SBNO1: variants seen among roughly 807,000 people sequenced by gnomAD.
SBNO1 encodes the protein strawberry notch homolog 1.
Under a neutral mutation model 173.6 loss-of-function variants are expected in SBNO1, and 23 were observed. The observed-to-expected ratio is 0.13, with a 90% CI of 0.10 to 0.19. The LOEUF is 0.19. SBNO1 is among the 10% of genes least tolerant of loss of function. The pLI is 1.00. For synonymous variants in SBNO1, 632 were observed against 571.5 expected (o/e 1.11, Z -1.51); for missense variants, 1,238 against 1,671.2 (o/e 0.74, Z 4.52).
chr12:123,299,353 G>A (rs944002622), intron 30 of SBNO1, among the ~76,000 whole-genome samples: 1 of 150,570 alleles, frequency 6.6e-6, no homozygotes, highest in African/African-American at 2.4e-5. Context: ...GGGCAACAGA[G>A]TGAGACTCTG....
chr12:123,364,520 A>G (rs1875879710), intron 1 of SBNO1, 181 bp downstream of exon 1: 2 of 983,482 alleles, frequency 2.0e-6, no homozygotes, highest in Non-Finnish European at 2.4e-6. Flanking sequence ...CGTCGGGAAC[A>G]TGCCCCCGAG....
At chr12:123,299,465 A>C (rs2048710798) in intron 30 of SBNO1, among the ~76,000 whole-genome samples, 1 of 151,874 alleles carries the variant, frequency 6.6e-6, no homozygotes, top group South Asian at 2.1e-4. Flanking sequence ...GCAGATCATG[A>C]GGTCAGGAGA....
chr12:123,350,783 C>A (rs1873782564), intron 1 of SBNO1, among the ~76,000 whole-genome samples: 1 of 152,172 alleles, frequency 6.6e-6, no homozygotes, highest in Admixed American at 6.6e-5. Context: ...GGACAAGGAT[C>A]CTCTCGACTA....
chr12:123,335,445 G>A (rs1262579937), intron 6 of SBNO1, among the ~76,000 whole-genome samples: 4 of 152,082 alleles, frequency 2.6e-5, no homozygotes, highest in South Asian at 2.1e-4. Flanking sequence ...GCCAGACCCC[G>A]TCTTAAAAAG....
Position 123,297,838 on chromosome 12 carries a change from A to C in SBNO1, c.4039+140T>G, listed in dbSNP as rs539527231. The stretch of plus-strand genomic sequence containing the variant: ...GGCTTAACTTCTGTTCAACCTTGTA[A>C]GAAATATAAAACGGGTCCCATACCC... On this transcript the variant is annotated intron_variant, in intron 31 of 31. Coordinates refer to ENST00000602398, the MANE Select transcript of SBNO1 (RefSeq NM_001167856.3). The C allele has an allele frequency of 9.7e-6, 7 of 722,864 alleles. No individual in the cohort carries two copies. In the African/African-American group the frequency reaches 1.2e-4, roughly 13 times the overall value. The allele number at this position is 722,864 out of a possible 1,614,324, so 44.8% of individuals were successfully genotyped here. A position where few individuals can be genotyped will look rare whatever the true frequency, so the allele number is the denominator to read the frequency against.
At chr12:123,351,646 T>A (rs574816462) in intron 1 of SBNO1, among the ~76,000 whole-genome samples, 3 of 151,740 alleles carry the variant, frequency 2.0e-5, no homozygotes, top group Non-Finnish European at 4.4e-5. Flanking sequence ...AATAGAAGGA[T>A]TACTCAACAG....
intron 29 of SBNO1, 57 bp from the exon 30 acceptor site, chr12:123,302,957 C>A: frequency 1.5e-6 from 2 of 1,301,230 alleles, no homozygotes; most frequent in South Asian, 2.4e-5. Flanking sequence ...AAACTGGTTA[C>A]CTAGTCTGGT....
chr12:123,355,691 G>A (rs1171779393), intron 1 of SBNO1, among the ~76,000 whole-genome samples: 2 of 152,246 alleles, frequency 1.3e-5, no homozygotes, highest in Non-Finnish European at 2.9e-5. Flanking sequence ...GCTGAGGCAG[G>A]AGGATCCCTT....
intron 1 of SBNO1, among the ~76,000 whole-genome samples, chr12:123,351,454 G>GT (rs1290168767): frequency 1.3e-5 from 2 of 152,078 alleles, no homozygotes; most frequent in South Asian, 2.1e-4. Context: ...TAGAGACCCC[G>GT]TATCTACAAA....
chr12:123,351,467 A>C (rs1444479547), intron 1 of SBNO1, among the ~76,000 whole-genome samples: 5 of 152,144 alleles, frequency 3.3e-5, no homozygotes, highest in Non-Finnish European at 5.9e-5. Flanking sequence ...TCTACAAAAA[A>C]ATTTTTTTAA....
chr12:123,310,865 A>C (rs1190629547), intron 25 of SBNO1, among the ~76,000 whole-genome samples, 190 bp downstream of exon 25: 1 of 152,178 alleles, frequency 6.6e-6, no homozygotes, highest in Non-Finnish European at 1.5e-5. Context: ...TTGAGAGCTG[A>C]TCATATCAGC....
intron 15 of SBNO1, 91 bp downstream of exon 15, chr12:123,325,411 A>G (rs1255352639): frequency 4.6e-6 from 4 of 868,116 alleles, no homozygotes; most frequent in East Asian, 4.9e-5. Context: ...AGGTGAAACA[A>G]AAGTTTTGTC....
At chr12:123,331,408 C>A in intron 7 of SBNO1, 33 bp from the exon 8 acceptor site, 2 of 1,603,164 alleles carry the variant, frequency 1.2e-6, no homozygotes, top group Admixed American at 1.7e-5. Context: ...TTAATATAAT[C>A]CTTCAGATAT....
rs370093711 is a variant in SBNO1 at position 123,345,576 on chromosome 12, T to C, written c.238-6A>G. The C allele has an allele frequency of 1.6e-5, 26 of 1,607,604 alleles. No homozygotes were observed. Among genetic ancestry groups the C allele is most frequent in the African/African-American group, 4.0e-5 (3 of 74,566 alleles). ...GTAGTAGATGGAGGCTGCTGCTAGA[T>C]AGAAAACAAAAAACACACCACTGAA... On this transcript the variant is annotated splice_polypyrimidine_tract_variant and splice_region_variant and intron_variant, in intron 3 of 31. Transcript: ENST00000602398.
intron 5 of SBNO1, among the ~76,000 whole-genome samples, chr12:123,337,609 A>T (rs1872004277): frequency 6.6e-6 from 1 of 152,194 alleles, no homozygotes; most frequent in Admixed American, 6.5e-5. Flanking sequence ...GTCTTTAGAT[A>T]AAATCTAAAA....
chr12:123,343,645 TC>T (rs1872793570), intron 4 of SBNO1, among the ~76,000 whole-genome samples: 1 of 151,600 alleles, frequency 6.6e-6, no homozygotes, highest in Non-Finnish European at 1.5e-5. Context: ...TTCAAGCAAT[TC>T]CCTGCCTCAG....
intron 5 of SBNO1, among the ~76,000 whole-genome samples, chr12:123,340,439 A>G (rs6416289): frequency 0.95 from 144,884 of 151,986 alleles, 69,189 homozygotes; most frequent in Non-Finnish European, 0.96. Flanking sequence ...AAATTAGCCA[A>G]GCATGGTGGC....
intron 28 of SBNO1, among the ~76,000 whole-genome samples, chr12:123,306,742 C>T (rs185365580): frequency 4.6e-5 from 7 of 152,058 alleles, no homozygotes; most frequent in Admixed American, 2.0e-4. Flanking sequence ...TTGAATTCTA[C>T]CAATATCAAC....
At position 123,309,802 on chromosome 12, in the gene SBNO1, T is replaced by G; in HGVS notation, c.3350A>C (p.Gln1117Pro). ...LNRILGMEVHQQNALFQYFAD... is the reference protein window; with the variant it reads ...LNRILGMEVHPQNALFQYFAD... ...AAAATACTGAAATAACGCATTCTGC[T>G]GATGCACCTCCATGCCTAAAATTCT... is the stretch of plus-strand genomic sequence containing the variant. Residue 1117 changes from glutamine to proline, a missense_variant, in exon 26 of 32, where the codon CAG becomes CCG. By Grantham distance (76) the Gln-to-Pro change is moderately conservative (BLOSUM62 -1). This residue lies in a region of SBNO1 where 351 missense variants were observed against 420.3 expected (regional missense o/e 0.84). Coordinates refer to ENST00000602398, the MANE Select transcript of SBNO1 (RefSeq NM_001167856.3). The G allele has an allele frequency of 6.2e-7, 1 of 1,611,778 alleles. No homozygotes were observed. Among genetic ancestry groups the G allele is most frequent in the Non-Finnish European group, 8.5e-7 (1 of 1,178,528 alleles).
Sources: gnomAD v4.1 joint callset for allele counts (sites outside exome capture counted in the v4.1 genomes callset) on GRCh38, gnomAD v4.1.1 for gene constraint, gnomAD v4.1.1 regional missense constraint, MANE v1.5 for transcripts, NCBI Gene and HGNC (gene_info 2026-07-23, HGNC 2026-07-21) for gene names.